The following KALRN variants were observed in gnomAD, a reference collection of about 807,000 sequenced individuals.
KALRN encodes kalirin RhoGEF kinase, also known as kalirin.
A neutral mutation model predicts 353.7 loss-of-function variants in KALRN; 70 were observed. That is an observed-to-expected ratio of 0.20 (90% CI 0.16 to 0.24). KALRN has a LOEUF of 0.24. Ranked by LOEUF, KALRN falls within the 10% of genes least tolerant of loss-of-function variation. The pLI, the probability that KALRN is intolerant of heterozygous loss-of-function variation, is 1.00. For missense variants in KALRN, 2,791 were observed against 3,756.7 expected, an observed-to-expected ratio of 0.74 and a Z score of 6.72; for synonymous variants, 1,391 against 1,434.8, an observed-to-expected ratio of 0.97 and a Z score of 0.69.
chr3:124,388,408 C>G (rs1002020486), intron 11 of KALRN, among the ~76,000 whole-genome samples: 6 of 152,014 alleles, frequency 3.9e-5, no homozygotes, highest in Admixed American at 1.3e-4. Flanking sequence ...CTGTATATAC[C>G]TCACACTGAG....
At chr3:124,152,667 C>T (rs1448527590) in intron 1 of KALRN, among the ~76,000 whole-genome samples, 1 of 148,000 alleles carries the variant, frequency 6.8e-6, no homozygotes, top group Non-Finnish European at 1.5e-5. Context: ...AATCGAGGCT[C>T]ACTGCAACCT....
At position 124,632,665 on chromosome 3, in the gene KALRN, G is replaced by A. The variant is rs770595671; in HGVS notation, c.5428G>A (p.Gly1810Arg). The A allele has an allele frequency of 1.5e-5, 25 of 1,614,048 alleles. No homozygotes were observed. The highest frequency in any genetic ancestry group is 4.5e-5 in the East Asian group (2 of 44,898). ...KSFDLGSPKPGDETTPQGDSA... is the reference protein window; with the variant it reads ...KSFDLGSPKPRDETTPQGDSA... The stretch of plus-strand genomic sequence containing the variant: ...CTTTGACCTGGGATCTCCCAAGCCT[G>A]GGGATGAAACAACCCCTCAGGGAGA... The change falls in exon 35 of 60, where the codon GGG becomes AGG. Residue 1810 changes from glycine to arginine, a missense_variant. By Grantham distance (125) the Gly-to-Arg change is moderately radical. Around this residue, in one of 11 missense-constraint regions of KALRN, gnomAD observed 1,065 missense variants for 1,156.4 expected, o/e 0.92. Transcript: ENST00000682506.
At chr3:124,389,945 A>G (rs2089078562) in intron 11 of KALRN, among the ~76,000 whole-genome samples, 1 of 152,242 alleles carries the variant, frequency 6.6e-6, no homozygotes, top group Admixed American at 6.5e-5. Flanking sequence ...CTACTTATAG[A>G]GAAAAGCTAC....
intron 10 of KALRN, among the ~76,000 whole-genome samples, chr3:124,371,270 A>G (rs1009742247): frequency 1.3e-5 from 2 of 152,204 alleles, no homozygotes; most frequent in African/African-American, 4.8e-5. Flanking sequence ...CACATTTCCT[A>G]TGAACTTTTT....
At chr3:124,510,649 G>T (rs1347883093) in intron 33 of KALRN, among the ~76,000 whole-genome samples, 1 of 151,918 alleles carries the variant, frequency 6.6e-6, no homozygotes, top group Non-Finnish European at 1.5e-5. Flanking sequence ...CACAAGTTCT[G>T]GATCTCCTTC....
rs2063391502 is a variant in KALRN at position 124,724,166 on chromosome 3, T to C, written c.*4696T>C. 6.6e-6 allele frequency: 1 copy of C among 152,070 alleles called. No individual in the cohort carries two copies. The highest frequency in any genetic ancestry group is 1.5e-5 in the Non-Finnish European group (1 of 68,008). 9.4% of individuals were successfully genotyped at this position (152,070 alleles called of 1,614,324 possible). A position where few individuals can be genotyped will look rare whatever the true frequency, so the allele number is the denominator to read the frequency against. The stretch of plus-strand genomic sequence containing the variant: ...GGAAGAGCATGGCAATTTAGATTTG[T>C]GAGAATATGAGGGAGCAAATATGAT... On this transcript the variant is annotated 3_prime_UTR_variant, in exon 60 of 60. Transcript: ENST00000682506.
At chr3:124,360,874 T>A (rs572753794) in intron 10 of KALRN, among the ~76,000 whole-genome samples, 29 of 152,318 alleles carry the variant, frequency 1.9e-4, no homozygotes, top group African/African-American at 7.0e-4. Context: ...TGTGATGAAT[T>A]TGCATATAGG....
At chr3:124,642,087 GC>G (rs2082092376) in intron 37 of KALRN, among the ~76,000 whole-genome samples, 3 of 152,232 alleles carry the variant, frequency 2.0e-5, no homozygotes, top group Middle Eastern at 3.4e-3. Flanking sequence ...TTCAAGACCA[GC>G]CTAGGCAACA....
At chr3:124,615,215 G>T (rs2078435630) in intron 34 of KALRN, among the ~76,000 whole-genome samples, 1 of 152,068 alleles carries the variant, frequency 6.6e-6, no homozygotes, top group Non-Finnish European at 1.5e-5. Context: ...TCATTTTTGG[G>T]ATATTCCTAC....
chr3:124,101,159 A>G (rs964400107), intron 1 of KALRN, among the ~76,000 whole-genome samples: 5 of 152,128 alleles, frequency 3.3e-5, no homozygotes, highest in African/African-American at 1.2e-4. Context: ...ATAAACCTTG[A>G]CTTTCCTTCA....
At chr3:124,456,751 C>A in intron 23 of KALRN, 23 bp downstream of exon 23, 1 of 1,553,520 alleles carries the variant, frequency 6.4e-7, no homozygotes, top group Non-Finnish European at 8.9e-7. Context: ...TTCCGCCCAG[C>A]TAGCTGGCTC....
In KALRN at chr3:124,347,304, G is replaced by GTGTGTA. The variant is rs1553922987; in HGVS notation, c.1770+44_1770+45insATGTGT. ...TGTGTGTGTGTGTGTGTGTGTGTGT[G>GTGTGTA]TGTGTGTGTGTGTGTGTCTAGATGA... On this transcript the variant is annotated intron_variant, in intron 10 of 59. Transcript: ENST00000682506. The GTGTGTA allele has an allele frequency of 8.9e-6, 14 of 1,566,010 alleles. No homozygotes were observed. The South Asian group carries it at 1.6e-4, about 18-fold the overall frequency.
intron 1 of KALRN, among the ~76,000 whole-genome samples, chr3:124,136,638 G>T (rs1401256294): frequency 6.6e-6 from 1 of 151,996 alleles, no homozygotes; most frequent in Admixed American, 6.6e-5. Context: ...TGGCCTTTAG[G>T]GTCTCCTCAC....
At chr3:124,253,385 G>A (rs1350116452) in intron 3 of KALRN, among the ~76,000 whole-genome samples, 1 of 152,226 alleles carries the variant, frequency 6.6e-6, no homozygotes, top group Non-Finnish European at 1.5e-5. Flanking sequence ...GGGAGAAAGT[G>A]TGAAGTGGAT....
rs559608655 is a variant in KALRN at position 124,168,877 on chromosome 3, C to T, written c.74-59113C>T. ...TCATTGTCAACACTACCTCCAAGCACATGGCACTATTCTGGGAGCTATAGG... is the reference window on the plus strand; with the variant it reads ...TCATTGTCAACACTACCTCCAAGCATATGGCACTATTCTGGGAGCTATAGG... On this transcript the variant is annotated intron_variant, in intron 1 of 59. Transcript: ENST00000682506. 2.4e-4 allele frequency among the ~76,000 whole-genome samples: 36 copies of T among 152,286 alleles called. 1 individual carries two copies. The South Asian group carries it at 6.6e-3, about 28-fold the overall frequency.
chr3:124,473,756 T>C (rs960637890), intron 25 of KALRN, among the ~76,000 whole-genome samples: 1 of 152,100 alleles, frequency 6.6e-6, no homozygotes, highest in Non-Finnish European at 1.5e-5. Context: ...TACAGGAAAA[T>C]TTACAGAATT....
chr3:124,637,034 G>T (rs115395904), intron 36 of KALRN, 174 bp from the exon 37 acceptor site: 2 of 612,068 alleles, frequency 3.3e-6, no homozygotes, highest in Non-Finnish European at 3.0e-6. Context: ...AAGGGGTTGG[G>T]CAGGCCTGTA....
chr3:124,474,847 G>T, intron 26 of KALRN, 115 bp downstream of exon 26: 1 of 820,580 alleles, frequency 1.2e-6, no homozygotes. Context: ...GCTACTGAGA[G>T]GGACCATGAG....
intron 1 of KALRN, among the ~76,000 whole-genome samples, chr3:124,145,198 C>T (rs549451526): frequency 6.6e-6 from 1 of 152,158 alleles, no homozygotes; most frequent in Non-Finnish European, 1.5e-5. Context: ...CCAGACCTAT[C>T]CTCCTCCCTT....
Sources: gnomAD v4.1 joint callset for allele counts (sites outside exome capture counted in the v4.1 genomes callset) on GRCh38, gnomAD v4.1.1 for gene constraint, gnomAD v4.1.1 regional missense constraint, MANE v1.5 for transcripts, NCBI Gene and HGNC (gene_info 2026-07-23, HGNC 2026-07-21) for gene names.